The following WDR70 variants were observed in gnomAD, a reference collection of about 807,000 sequenced individuals.
WDR70 encodes the protein WD repeat-containing protein 70.
Under a neutral mutation model 88.6 loss-of-function variants are expected in WDR70, and 53 were observed. The ratio of observed to expected loss-of-function variants is 0.60; its 90% CI spans 0.48 to 0.75. The LOEUF (loss-of-function observed/expected upper bound fraction) is 0.75, where lower values mean the gene tolerates loss of function less well. Among genes scored for constraint, WDR70 ranks in the 30% least tolerant of loss-of-function variants. The probability of loss-of-function intolerance (pLI) is 0.00; values close to 1 mark genes in which losing one functional copy is unlikely to be tolerated. For synonymous variants in WDR70, 280 were observed against 270.0 expected, an observed-to-expected ratio of 1.04 and a Z score of -0.36; for missense variants, 610 against 823.2, an observed-to-expected ratio of 0.74 and a Z score of 3.17.
At chr5:37,449,990 A>C (rs1396097110) in intron 7 of WDR70, among the ~76,000 whole-genome samples, 1 of 152,114 alleles carries the variant, frequency 6.6e-6, no homozygotes, top group Non-Finnish European at 1.5e-5. Context: ...GAGTGAGAAC[A>C]TGTGGTGTTT....
chr5:37,611,796 T>A (rs56381643), intron 10 of WDR70, among the ~76,000 whole-genome samples: 73,192 of 145,922 alleles, frequency 0.5, 18,554 homozygotes, highest in Non-Finnish European at 0.54. Flanking sequence ...TTTTTTTTTT[T>A]AAAAAAAAAC....
At chr5:37,548,399 G>A (rs189957286) in intron 9 of WDR70, among the ~76,000 whole-genome samples, 2 of 152,262 alleles carry the variant, frequency 1.3e-5, no homozygotes, top group East Asian at 1.9e-4. Flanking sequence ...GTGATGCTGA[G>A]CACATTTTCA....
intron 7 of WDR70, among the ~76,000 whole-genome samples, chr5:37,456,310 A>G (rs1259926176): frequency 2.0e-5 from 3 of 152,190 alleles, no homozygotes; most frequent in Admixed American, 6.5e-5. Context: ...ATGTAGTGAT[A>G]TGTTATTGGG....
chr5:37,415,132 A>G (rs1561843198), intron 5 of WDR70, among the ~76,000 whole-genome samples: 1 of 150,686 alleles, frequency 6.6e-6, no homozygotes, highest in Non-Finnish European at 1.5e-5. Flanking sequence ...CCCAAGGCAG[A>G]AGAATTTTTC....
chr5:37,573,338 A>G (rs1742962774), intron 9 of WDR70, among the ~76,000 whole-genome samples: 1 of 152,110 alleles, frequency 6.6e-6, no homozygotes, highest in African/African-American at 2.4e-5. Context: ...TAAGAATAAC[A>G]AAAGGCCCCT....
chr5:37,544,038 G>T (rs943330807), intron 9 of WDR70, among the ~76,000 whole-genome samples: 1 of 152,182 alleles, frequency 6.6e-6, no homozygotes, highest in Non-Finnish European at 1.5e-5. Context: ...TCCCAAAAGT[G>T]CTGGGATTAC....
chr5:37,552,720 T>G (rs1742181275), intron 9 of WDR70, among the ~76,000 whole-genome samples: 1 of 152,222 alleles, frequency 6.6e-6, no homozygotes, highest in African/African-American at 2.4e-5. Context: ...CACAAACATT[T>G]TTTAAAAATA....
At chr5:37,614,941 T>TC (rs200716223) in intron 10 of WDR70, among the ~76,000 whole-genome samples, 16,193 of 151,996 alleles carry the variant, frequency 0.11, 2,766 homozygotes, top group African/African-American at 0.36. Context: ...TCTAAGAGTA[T>TC]AATTGATACT....
chr5:37,397,798 T>G (rs1749064715), intron 5 of WDR70, among the ~76,000 whole-genome samples: 1 of 152,016 alleles, frequency 6.6e-6, no homozygotes, highest in Non-Finnish European at 1.5e-5. Context: ...ATTGAGACCA[T>G]CCTGGCCAAC....
intron 10 of WDR70, among the ~76,000 whole-genome samples, chr5:37,686,621 C>G (rs75892352): frequency 6.7e-6 from 1 of 149,342 alleles, no homozygotes; most frequent in African/African-American, 2.5e-5. Context: ...GCCTGTAGTC[C>G]CAGTACTTGG....
intron 9 of WDR70, among the ~76,000 whole-genome samples, chr5:37,597,366 C>CT (rs774187919): frequency 8.6e-4 from 130 of 150,772 alleles, no homozygotes; most frequent in Non-Finnish European, 1.4e-3. Flanking sequence ...GTATCGTTAG[C>CT]TTTTTTTTTA....
At chr5:37,645,035 T>C (rs1343281771) in intron 10 of WDR70, among the ~76,000 whole-genome samples, 4 of 152,008 alleles carry the variant, frequency 2.6e-5, no homozygotes, top group Non-Finnish European at 4.4e-5. Flanking sequence ...TTTGGTTTGC[T>C]CTTGCTTTTC....
rs1028370713 is a variant in WDR70 at position 37,721,401 on chromosome 5, T to C, written c.1517+186T>C. 6.7e-6 allele frequency: 4 copies of C among 594,896 alleles called. No individual in the cohort carries two copies. The Admixed American group carries it at 8.9e-5, about 13-fold the overall frequency. 36.9% of individuals were successfully genotyped at this position (594,896 alleles called of 1,614,324 possible). A position where few individuals can be genotyped will look rare whatever the true frequency, so the allele number is the denominator to read the frequency against. ...TTTAAAAAGGATTTGAATATTGCCC[T>C]TGATCCACACTGAATTCAAAGCGAA... is the stretch of plus-strand genomic sequence containing the variant. On this transcript the variant is annotated intron_variant, in intron 14 of 17. Transcript: ENST00000265107.
At chr5:37,602,479 C>T (rs1187398705) in intron 9 of WDR70, among the ~76,000 whole-genome samples, 4 of 151,594 alleles carry the variant, frequency 2.6e-5, no homozygotes, top group East Asian at 1.9e-4. Context: ...AGGTGGCGGG[C>T]GCCTGTAATC....
chr5:37,611,970 G>A (rs1581435051), intron 10 of WDR70, among the ~76,000 whole-genome samples: 1 of 152,116 alleles, frequency 6.6e-6, no homozygotes, highest in East Asian at 1.9e-4. Flanking sequence ...TGTGCTTGCA[G>A]CCCAGACTAA....
chr5:37,556,581 A>G (rs1442558000), intron 9 of WDR70, among the ~76,000 whole-genome samples: 1 of 152,028 alleles, frequency 6.6e-6, no homozygotes, highest in Non-Finnish European at 1.5e-5. Context: ...TCATCTCCAC[A>G]TTTTTCAATA....
chr5:37,607,427 C>A (rs9292656), intron 10 of WDR70, among the ~76,000 whole-genome samples: 87,394 of 151,770 alleles, frequency 0.58, 25,298 homozygotes, highest in African/African-American at 0.61. Context: ...CATAATTGCC[C>A]CATTTAATCC....
At chr5:37,535,738 T>C (rs1453940648) in intron 9 of WDR70, among the ~76,000 whole-genome samples, 2 of 152,222 alleles carry the variant, frequency 1.3e-5, no homozygotes, top group East Asian at 1.9e-4. Flanking sequence ...ACATATTATA[T>C]GTCTGAAGCA....
At chr5:37,638,486 C>T (rs894744627) in intron 10 of WDR70, among the ~76,000 whole-genome samples, 2 of 152,162 alleles carry the variant, frequency 1.3e-5, no homozygotes, top group East Asian at 1.9e-4. Flanking sequence ...CACGCACATG[C>T]GCGCACATAC....
Sources: gnomAD v4.1 joint callset for allele counts (sites outside exome capture counted in the v4.1 genomes callset) on GRCh38, gnomAD v4.1.1 for gene constraint, MANE v1.5 for transcripts, NCBI Gene and HGNC (gene_info 2026-07-23, HGNC 2026-07-21) for gene names.